SULF2: variants seen among roughly 807,000 people sequenced by gnomAD.
SULF2 encodes extracellular sulfatase Sulf-2.
A neutral mutation model predicts 107.7 loss-of-function variants in SULF2; 52 were observed. That is an observed-to-expected ratio of 0.48 (90% confidence interval 0.39 to 0.61). SULF2 has a LOEUF of 0.61. SULF2 is among the 20% of genes least tolerant of loss of function. SULF2 has a pLI of 0.00. For missense variants in SULF2, 993 were observed against 1,177.3 expected (o/e 0.84, Z 2.29); for synonymous variants, 460 against 464.3 (o/e 0.99, Z 0.12).
At chr20:47,676,368 C>A (rs11906661) in intron 10 of SULF2, 126 bp downstream of exon 10, 1 of 1,033,260 alleles carries the variant, frequency 9.7e-7, no homozygotes, top group Non-Finnish European at 1.4e-6. Flanking sequence ...GGGCACCACA[C>A]GGCAGCAAAG....
In SULF2 at chr20:47,672,322, G is replaced by T. The variant is rs767497898; in HGVS notation, c.1452C>A (p.Gly484=). The T allele has an allele frequency of 6.8e-6, 11 of 1,613,074 alleles. No homozygotes were observed. The highest frequency in any genetic ancestry group is 8.5e-6 in the Non-Finnish European group (10 of 1,179,982). ...LHKCKGPMRL[G]GSRALSNLVP... is the part of the protein sequence containing the mutation. ...CGAGGTTGGAGAGGGCTCTGCTGCCGCCCAGCCGCATGGGGCCCTTGCACT... is the reference window on the plus strand; with the variant it reads ...CGAGGTTGGAGAGGGCTCTGCTGCCTCCCAGCCGCATGGGGCCCTTGCACT... The change falls in exon 11 of 21, where the codon GGC becomes GGA. Residue 484 remains glycine (G), a synonymous_variant. Transcript: ENST00000688720.
chr20:47,770,754 G>A (rs932679512), intron 1 of SULF2, among the ~76,000 whole-genome samples: 4 of 152,164 alleles, frequency 2.6e-5, no homozygotes, highest in South Asian at 4.1e-4. Context: ...GCTGGCAGTC[G>A]GTTGGGAGCT....
At chr20:47,700,806 G>A (rs1479378695) in intron 4 of SULF2, among the ~76,000 whole-genome samples, 1 of 151,952 alleles carries the variant, frequency 6.6e-6, no homozygotes, top group East Asian at 1.9e-4. Context: ...CCACCACGCA[G>A]GGCTAATTTT....
At chr20:47,732,982 T>C (rs2089648940) in intron 3 of SULF2, among the ~76,000 whole-genome samples, 1 of 152,238 alleles carries the variant, frequency 6.6e-6, no homozygotes, top group African/African-American at 2.4e-5. Flanking sequence ...TTGATATTTA[T>C]CCTGCTTAAA....
At chr20:47,756,355 C>A (rs575878288) in intron 2 of SULF2, among the ~76,000 whole-genome samples, 1 of 152,180 alleles carries the variant, frequency 6.6e-6, no homozygotes, top group Non-Finnish European at 1.5e-5. Context: ...CAAATTCTTT[C>A]TGCACTGAGA....
chr20:47,752,565 TAA>T (rs11319849), intron 2 of SULF2, among the ~76,000 whole-genome samples: 404 of 132,106 alleles, frequency 3.1e-3, no homozygotes, highest in East Asian at 6.7e-3. Flanking sequence ...AGCCCATCTC[TAA>T]AAAAAAAAAA....
intron 10 of SULF2, among the ~76,000 whole-genome samples, chr20:47,675,047 G>C (rs1282273434): frequency 6.6e-6 from 1 of 152,130 alleles, no homozygotes; most frequent in Non-Finnish European, 1.5e-5. Flanking sequence ...GGAAAATGCT[G>C]ATACCTCCTC....
chr20:47,749,870 A>G (rs992431694), intron 2 of SULF2, among the ~76,000 whole-genome samples: 3 of 152,228 alleles, frequency 2.0e-5, no homozygotes, highest in Admixed American at 2.0e-4. Flanking sequence ...AAGTCCACCC[A>G]GGCCTGGGCC....
chr20:47,720,526 G>A (rs1256828753), intron 3 of SULF2, among the ~76,000 whole-genome samples: 5 of 151,300 alleles, frequency 3.3e-5, no homozygotes, highest in African/African-American at 9.7e-5. Context: ...CCAAAGTGCT[G>A]GGATTACAGG....
chr20:47,776,577 A>G (rs2090729282), intron 1 of SULF2, among the ~76,000 whole-genome samples: 1 of 152,154 alleles, frequency 6.6e-6, no homozygotes, highest in South Asian at 2.1e-4. Flanking sequence ...GGAAGGGACA[A>G]TTTAGGGAAG....
At chr20:47,701,109 G>C (rs2088554201) in intron 4 of SULF2, among the ~76,000 whole-genome samples, 1 of 152,214 alleles carries the variant, frequency 6.6e-6, no homozygotes, top group South Asian at 2.1e-4. Context: ...TCCATGAGTT[G>C]TTGAATGAAT....
chr20:47,669,716 G>A (rs960486782), intron 11 of SULF2, among the ~76,000 whole-genome samples: 1 of 152,182 alleles, frequency 6.6e-6, no homozygotes, highest in African/African-American at 2.4e-5. Context: ...TCACAGGGCT[G>A]TTGAGAGGTG....
intron 3 of SULF2, among the ~76,000 whole-genome samples, chr20:47,707,553 T>C (rs1284307817): frequency 6.6e-6 from 1 of 152,048 alleles, no homozygotes; most frequent in East Asian, 1.9e-4. Context: ...CCTTACAACC[T>C]AGTTCCACCC....
At position 47,658,332 on chromosome 20, in the gene SULF2, A is replaced by T. The variant is rs371371635; in HGVS notation, c.*30T>A. The T allele has an allele frequency of 6.2e-7, 1 of 1,613,300 alleles. No individual in the cohort carries two copies. The highest frequency in any genetic ancestry group is 1.3e-5 in the African/African-American group (1 of 75,016). ...GCCTGTGCAGTCAGGTGATGCCTCT[A>T]TGTTTTTGGAGGTCCACCTCTGTTG... is the stretch of plus-strand genomic sequence containing the variant. On this transcript the variant is annotated 3_prime_UTR_variant, in exon 21 of 21. Coordinates refer to ENST00000688720, the MANE Select transcript of SULF2 (RefSeq NM_001387048.1).
chr20:47,702,802 T>C (rs1568835322), intron 3 of SULF2, 132 bp from the exon 4 acceptor site: 2 of 697,436 alleles, frequency 2.9e-6, no homozygotes, highest in Non-Finnish European at 4.7e-6. Context: ...GAGCAATGGA[T>C]CCCTTCTCCA....
chr20:47,722,605 T>C (rs915693591), intron 3 of SULF2, among the ~76,000 whole-genome samples: 2 of 152,132 alleles, frequency 1.3e-5, no homozygotes, highest in African/African-American at 4.8e-5. Flanking sequence ...CCTGGTGCTA[T>C]TTTTGGATGG....
In SULF2 at chr20:47,726,963, G is replaced by A. The variant is rs1016701947; in HGVS notation, c.415+9740C>T. Among the ~76,000 whole-genome samples the A allele has an allele frequency of 3.9e-5, 6 of 152,042 alleles. No individual in the cohort carries two copies. In the East Asian group the frequency reaches 5.8e-4, roughly 15 times the overall value. ...TACGCATGGAGCTGATCTTCAGGGC[G>A]GCCACACTGCTCCCCACCCAGGACC... On this transcript the variant is annotated intron_variant, in intron 3 of 20. Coordinates refer to ENST00000688720, the MANE Select transcript of SULF2 (RefSeq NM_001387048.1).
intron 1 of SULF2, among the ~76,000 whole-genome samples, chr20:47,778,507 C>T (rs1439647254): frequency 6.6e-6 from 1 of 152,228 alleles, no homozygotes; most frequent in Admixed American, 6.5e-5. Context: ...GTGGGGAATT[C>T]AAAACATTCT....
At chr20:47,712,686 C>T (rs191348859) in intron 3 of SULF2, among the ~76,000 whole-genome samples, 24 of 152,252 alleles carry the variant, frequency 1.6e-4, no homozygotes, top group Admixed American at 1.3e-3. Context: ...TAATGTTAAG[C>T]GTCACACCCC....
Sources: allele counts gnomAD v4.1 joint callset (sites outside exome capture counted in the v4.1 genomes callset), GRCh38; gene constraint gnomAD v4.1.1; transcripts MANE v1.5; gene names NCBI Gene and HGNC (gene_info 2026-07-23, HGNC 2026-07-21).